CLEC12A: variants seen among roughly 807,000 people sequenced by gnomAD.
The protein encoded by CLEC12A is C-type lectin protein CLL-1.
A neutral mutation model predicts 26.5 loss-of-function variants in CLEC12A; 22 were observed. The ratio of observed to expected loss-of-function variants is 0.83; its 90% CI spans 0.59 to 1.19. The LOEUF is 1.19. Among genes scored for constraint, CLEC12A ranks in the 50% most tolerant of loss-of-function variants. The probability of loss-of-function intolerance (pLI) is 0.00; values close to 1 mark genes in which losing one functional copy is unlikely to be tolerated. For synonymous variants in CLEC12A, 119 were observed against 101.9 expected, an observed-to-expected ratio of 1.17 and a Z score of -1.01; for missense variants, 353 against 315.6, an observed-to-expected ratio of 1.12 and a Z score of -0.90.
At chr12:9,966,259 C>T (rs941164548) in intron 1 of CLEC12A, among the ~76,000 whole-genome samples, 3 of 152,166 alleles carry the variant, frequency 2.0e-5, no homozygotes, top group African/African-American at 4.8e-5. Context: ...GGCTTACCCT[C>T]CACTGTGAGA....
At chr12:9,995,304 T>C (rs767104741) in exon 5 of CLEC12A, 66 of 1,403,232 alleles carry the variant, frequency 4.7e-5, no homozygotes, top group Non-Finnish European at 5.9e-5. Flanking sequence ...CTTGGTATGA[T>C]AGACAAAGCT....
exon 5 of CLEC12A, chr12:9,995,492 A>T (rs954497132): frequency 1.4e-5 from 6 of 426,398 alleles, no homozygotes; most frequent in African/African-American, 1.2e-4. Flanking sequence ...TTTTGTGTTT[A>T]TAACATGTAT....
At chr12:9,955,227 C>G (rs1315134794) in intron 1 of CLEC12A, among the ~76,000 whole-genome samples, 5 of 152,092 alleles carry the variant, frequency 3.3e-5, no homozygotes, top group African/African-American at 1.2e-4. Flanking sequence ...GCTGGGACCA[C>G]AGGCGCCCGC....
At chr12:9,987,600 T>G (rs1424905680), downstream of CLEC12A, among the ~76,000 whole-genome samples, 1 of 152,196 alleles carries the variant, frequency 6.6e-6, no homozygotes, top group South Asian at 2.1e-4. Flanking sequence ...CCTTCAGCTT[T>G]ATAGTACTAG....
intron 4 of CLEC12A, 27 bp from the exon 5 acceptor site, chr12:9,981,993 T>A: frequency 8.7e-7 from 1 of 1,151,400 alleles, no homozygotes; most frequent in Middle Eastern, 2.5e-4. Flanking sequence ...GACTGTTTCT[T>A]AAACAGACTA....
chr12:9,964,666 A>G (rs985387674), intron 1 of CLEC12A, among the ~76,000 whole-genome samples: 2 of 152,058 alleles, frequency 1.3e-5, no homozygotes, highest in Non-Finnish European at 1.5e-5. Context: ...GAGGAGGAGT[A>G]GAATAGTAGA....
At chr12:9,956,674 A>G (rs943577622) in intron 1 of CLEC12A, among the ~76,000 whole-genome samples, 1 of 152,250 alleles carries the variant, frequency 6.6e-6, no homozygotes, top group Admixed American at 6.5e-5. Context: ...GCTTCAGTTT[A>G]TGCAAATAAT....
chr12:9,995,205 T>C, exon 5 of CLEC12A: 1 of 1,613,192 alleles, frequency 6.2e-7, no homozygotes, highest in South Asian at 1.1e-5. Flanking sequence ...GGCGAGATAA[T>C]CCGACCCAAC....
chr12:9,978,328 A>G (rs1252815278), intron 1 of CLEC12A, among the ~76,000 whole-genome samples: 1 of 152,082 alleles, frequency 6.6e-6, no homozygotes, highest in African/African-American at 2.4e-5. Flanking sequence ...ACTATTCATT[A>G]AAAAGGAAGT....
At chr12:9,990,430 C>T (rs1864865367), downstream of CLEC12A, among the ~76,000 whole-genome samples, 2 of 152,180 alleles carry the variant, frequency 1.3e-5, no homozygotes, top group African/African-American at 4.8e-5. Flanking sequence ...TTCAAGACTT[C>T]AGTGGTGGAA....
At chr12:9,969,796 C>T (rs1469804573), upstream of CLEC12A, among the ~76,000 whole-genome samples, 1 of 152,192 alleles carries the variant, frequency 6.6e-6, no homozygotes, top group Non-Finnish European at 1.5e-5. Context: ...CTCTTTCCCA[C>T]CAGGAGAGGC....
chr12:9,988,600 G>A (rs1864822951), downstream of CLEC12A, among the ~76,000 whole-genome samples: 1 of 152,174 alleles, frequency 6.6e-6, no homozygotes, highest in African/African-American at 2.4e-5. Context: ...GCAGCCAAAA[G>A]ACACATGTAA....
chr12:9,961,137 A>G (rs543327985), intron 1 of CLEC12A, among the ~76,000 whole-genome samples: 1 of 152,346 alleles, frequency 6.6e-6, no homozygotes, highest in African/African-American at 2.4e-5. Flanking sequence ...GAATCAATAG[A>G]AAAGAAATGT....
intron 4 of CLEC12A, 106 bp from the exon 5 acceptor site, chr12:9,981,914 G>T: frequency 1.7e-6 from 1 of 597,954 alleles, no homozygotes; most frequent in South Asian, 2.1e-5. Context: ...GTAGTGCAAT[G>T]TCCAGTATGT....
At chr12:10,004,446 T>A in the CLEC12A span, among the ~76,000 whole-genome samples, 1 of 152,098 alleles carries the variant, frequency 6.6e-6, no homozygotes, top group Non-Finnish European at 1.5e-5. Context: ...GTGATCTTCC[T>A]CTGGAGTTTG....
intron 3 of CLEC12A, among the ~76,000 whole-genome samples, chr12:9,979,768 A>C (rs1378758958): frequency 6.6e-6 from 1 of 152,216 alleles, no homozygotes; most frequent in Non-Finnish European, 1.5e-5. Context: ...ATAAAATGTT[A>C]GACAAGACAG....
chr12:9,967,070 A>G (rs1240567465), upstream of CLEC12A, among the ~76,000 whole-genome samples: 3 of 151,466 alleles, frequency 2.0e-5, no homozygotes, highest in African/African-American at 4.9e-5. Flanking sequence ...GTGTGAGGAG[A>G]GGAGGTGATA....
chr12:9,973,640 AC>A (rs1345124862), intron 1 of CLEC12A, among the ~76,000 whole-genome samples: 9 of 150,968 alleles, frequency 6.0e-5, no homozygotes, highest in African/African-American at 2.2e-4. Flanking sequence ...ATCCATCTAC[AC>A]TTTTTTTTGT....
At chr12:9,963,187 A>G (rs1863868423) in intron 1 of CLEC12A, among the ~76,000 whole-genome samples, 1 of 152,178 alleles carries the variant, frequency 6.6e-6, no homozygotes, top group Non-Finnish European at 1.5e-5. Context: ...GACCTAGGAC[A>G]TCTAATTAGA....
Sources: allele counts gnomAD v4.1 joint callset (sites outside exome capture counted in the v4.1 genomes callset), GRCh38; gene constraint gnomAD v4.1.1; transcripts MANE v1.5; gene names NCBI Gene and HGNC (gene_info 2026-07-23, HGNC 2026-07-21).